The following RANBP2 variants were observed in gnomAD, a reference collection of about 807,000 sequenced individuals.
The protein encoded by RANBP2 is RAN binding protein 2.
RANBP2 carries 57 observed loss-of-function variants against 303.6 expected under a neutral mutation model. That is an observed-to-expected ratio of 0.19 (90% CI 0.15 to 0.23). The LOEUF is 0.23. Among genes scored for constraint, RANBP2 ranks in the 10% least tolerant of loss-of-function variants. RANBP2 has a pLI of 1.00. For missense variants in RANBP2, 3,138 were observed against 3,780.8 expected (o/e 0.83, Z 4.46); for synonymous variants, 1,167 against 1,301.5 (o/e 0.90, Z 2.23).
the RANBP2 span, among the ~76,000 whole-genome samples, chr2:109,065,239 T>A: frequency 6.6e-6 from 1 of 152,264 alleles, no homozygotes; most frequent in African/African-American, 2.4e-5. Context: ...TAGCTCATGG[T>A]CAGCTAGAGG....
chr2:109,498,684 G>A, the RANBP2 span, among the ~76,000 whole-genome samples: 1 of 152,194 alleles, frequency 6.6e-6, no homozygotes, highest in African/African-American at 2.4e-5. Context: ...GATGGGCCCA[G>A]GGAACTGTGG....
At chr2:109,489,025 C>G in the RANBP2 span, among the ~76,000 whole-genome samples, 5 of 152,218 alleles carry the variant, frequency 3.3e-5, no homozygotes, top group Admixed American at 3.3e-4. Flanking sequence ...AACAGCTGAC[C>G]TCCAGGATGA....
the RANBP2 span, among the ~76,000 whole-genome samples, chr2:109,180,245 G>T: frequency 6.6e-6 from 1 of 152,084 alleles, no homozygotes; most frequent in Admixed American, 6.6e-5. Context: ...CAGGGCTTCG[G>T]CCTCCTTCCT....
At chr2:109,237,069 A>G in the RANBP2 span, among the ~76,000 whole-genome samples, 13 of 152,224 alleles carry the variant, frequency 8.5e-5, no homozygotes, top group East Asian at 2.5e-3. Context: ...ACTGCAAACA[A>G]TGTTAAAATA....
At chr2:109,722,986 T>G in the RANBP2 span, among the ~76,000 whole-genome samples, 1 of 152,178 alleles carries the variant, frequency 6.6e-6, no homozygotes, top group African/African-American at 2.4e-5. Flanking sequence ...CTATACCCAG[T>G]AATGGGATTG....
At chr2:109,220,906 T>G in the RANBP2 span, among the ~76,000 whole-genome samples, 2 of 152,236 alleles carry the variant, frequency 1.3e-5, no homozygotes, top group African/African-American at 2.4e-5. Flanking sequence ...AATCCAGCAG[T>G]TCTATTCCTA....
chr2:109,099,581 C>T, the RANBP2 span, among the ~76,000 whole-genome samples: 343 of 152,106 alleles, frequency 2.3e-3, 1 homozygote, highest in African/African-American at 7.4e-3. Flanking sequence ...TCTGAGGTCC[C>T]CTTGACAAGC....
the RANBP2 span, among the ~76,000 whole-genome samples, chr2:109,487,993 G>C: frequency 6.6e-6 from 1 of 152,240 alleles, no homozygotes; most frequent in Non-Finnish European, 1.5e-5. Context: ...TCATGGTGAA[G>C]AGGAAACAGA....
At chr2:109,398,664 C>T in the RANBP2 span, 2 of 1,607,346 alleles carry the variant, frequency 1.2e-6, no homozygotes, top group South Asian at 2.2e-5. Context: ...GCAATGCCTC[C>T]CTGCCCTCTG....
At chr2:109,191,465 C>G in the RANBP2 span, among the ~76,000 whole-genome samples, 2 of 152,156 alleles carry the variant, frequency 1.3e-5, no homozygotes, top group Non-Finnish European at 2.9e-5. Flanking sequence ...TGCGGCCAGG[C>G]TGTATTGTTG....
the RANBP2 span, among the ~76,000 whole-genome samples, chr2:109,524,124 T>C: frequency 6.6e-6 from 1 of 152,178 alleles, no homozygotes; most frequent in Non-Finnish European, 1.5e-5. Flanking sequence ...CTGCACATCA[T>C]GCATAAGGTC....
the RANBP2 span, among the ~76,000 whole-genome samples, chr2:108,974,329 C>CAAAAA: frequency 2.6e-3 from 161 of 61,462 alleles, no homozygotes; most frequent in East Asian, 0.017. Context: ...GGATCCGTCT[C>CAAAAA]AAAAAAAAAA....
the RANBP2 span, among the ~76,000 whole-genome samples, chr2:109,433,124 C>T: frequency 2.0e-5 from 3 of 152,198 alleles, no homozygotes; most frequent in Non-Finnish European, 2.9e-5. Context: ...CGTGCGTATG[C>T]ATACTGTAAG....
the RANBP2 span, among the ~76,000 whole-genome samples, chr2:109,399,757 T>C: frequency 6.6e-6 from 1 of 152,390 alleles, no homozygotes; most frequent in Admixed American, 6.5e-5. Context: ...TTCCCCTTTA[T>C]GAATGCAGAG....
chr2:109,547,667 T>G, the RANBP2 span, among the ~76,000 whole-genome samples: 6 of 152,170 alleles, frequency 3.9e-5, no homozygotes, highest in Non-Finnish European at 8.8e-5. Context: ...ATATGGATCA[T>G]AGAAGGCATA....
chr2:109,531,887 C>T, the RANBP2 span, among the ~76,000 whole-genome samples: 1 of 152,242 alleles, frequency 6.6e-6, no homozygotes, highest in Non-Finnish European at 1.5e-5. Flanking sequence ...TCAGTGAGCT[C>T]TGGCTCAACC....
the RANBP2 span, among the ~76,000 whole-genome samples, chr2:108,960,306 T>C: frequency 1.3e-5 from 2 of 152,198 alleles, no homozygotes; most frequent in Admixed American, 6.5e-5. Flanking sequence ...TCCTAGGAGA[T>C]TGTCTGAACA....
the RANBP2 span, among the ~76,000 whole-genome samples, chr2:109,489,768 C>G: frequency 2.0e-5 from 3 of 151,944 alleles, no homozygotes; most frequent in Admixed American, 2.0e-4. Context: ...GACGGAGTCT[C>G]GCTCTGTCAC....
chr2:109,131,432 G>A, the RANBP2 span, among the ~76,000 whole-genome samples: 1 of 152,128 alleles, frequency 6.6e-6, no homozygotes, highest in Non-Finnish European at 1.5e-5. Context: ...TTGATGTAAG[G>A]TATTTATAAT....
Sources: gnomAD v4.1 joint callset for allele counts (sites outside exome capture counted in the v4.1 genomes callset) on GRCh38, gnomAD v4.1.1 for gene constraint, MANE v1.5 for transcripts, NCBI Gene and HGNC (gene_info 2026-07-23, HGNC 2026-07-21) for gene names.